The following CIAO1 variants were observed in gnomAD, a reference collection of about 807,000 sequenced individuals.
CIAO1 encodes cytosolic iron-sulfur assembly component 1, also known as probable cytosolic iron-sulfur protein assembly protein CIAO1.
In CIAO1, 32 loss-of-function variants were observed where a neutral mutation model predicts 43.1. That is an observed-to-expected ratio of 0.74 (90% CI 0.56 to 1.00). The LOEUF (loss-of-function observed/expected upper bound fraction) is 1.00, where lower values mean the gene tolerates loss of function less well. Among genes scored for constraint, CIAO1 ranks in the 50% least tolerant of loss-of-function variants. The pLI, the probability that CIAO1 is intolerant of heterozygous loss-of-function variation, is 0.00. For synonymous variants in CIAO1, 183 were observed against 171.4 expected, an observed-to-expected ratio of 1.07 and a Z score of -0.53; for missense variants, 415 against 437.4, an observed-to-expected ratio of 0.95 and a Z score of 0.46.
rs1684574534 is a variant in CIAO1 at position 96,272,609 on chromosome 2, G to A, written c.*1258G>A. The A allele has an allele frequency of 6.6e-6, 1 of 152,220 alleles. No individual in the cohort carries two copies. Among genetic ancestry groups the A allele is most frequent in the Non-Finnish European group, 1.5e-5 (1 of 68,068 alleles). 9.4% of individuals were successfully genotyped at this position (152,220 alleles called of 1,614,324 possible). On this transcript the variant is annotated 3_prime_UTR_variant, in exon 7 of 7. Coordinates refer to ENST00000488633, the MANE Select transcript of CIAO1 (RefSeq NM_004804.3). ...GCGGATCACCTGAGGTCGGGAGTTC[G>A]AGGCCAGCCTGACCAACATGGAGAA...
At chr2:96,268,717 A>T in intron 5 of CIAO1, 59 bp downstream of exon 5, 1 of 1,553,408 alleles carries the variant, frequency 6.4e-7, no homozygotes, top group South Asian at 1.1e-5. Context: ...ACAGTCTGCT[A>T]AGACACGTAC....
At position 96,267,855 on chromosome 2, in the gene CIAO1, T is replaced by C. The variant is rs200095914; in HGVS notation, c.420T>C (p.Tyr140=). The C allele has an allele frequency of 1.5e-4, 242 of 1,614,142 alleles. 2 individuals carry two copies. The highest frequency in any genetic ancestry group is 1.4e-3 in the South Asian group (124 of 91,086). ...CCACAGTTGATGAAGAGGATGAGTATGAATGTGTCAGTGTTCTCAACTCCC... is the reference window on the plus strand; with the variant it reads ...CCACAGTTGATGAAGAGGATGAGTACGAATGTGTCAGTGTTCTCAACTCCC... ...WVWEVDEEDE[Y]ECVSVLNSHT... is the part of the protein sequence containing the mutation. The change falls in exon 4 of 7, where the codon TAT becomes TAC. Residue 140 remains tyrosine, a synonymous_variant. Coordinates refer to ENST00000488633, the MANE Select transcript of CIAO1 (RefSeq NM_004804.3).
At chr2:96,266,523 C>T (rs759774557) in intron 1 of CIAO1, 34 bp downstream of exon 1, 9 of 1,415,982 alleles carry the variant, frequency 6.4e-6, no homozygotes, top group Middle Eastern at 1.9e-4. Context: ...GCCCTCAGCG[C>T]TGAGGGCTCA....
At chr2:96,270,967 A>C in intron 6 of CIAO1, 144 bp from the exon 7 acceptor site, 1 of 929,250 alleles carries the variant, frequency 1.1e-6, no homozygotes, top group Non-Finnish European at 1.6e-6. Context: ...GATATTTGTG[A>C]CTCCTTATTA....
chr2:96,266,281 G>C lies in CIAO1; in HGVS notation c.-70G>C. 3.1e-6 allele frequency: 4 copies of C among 1,295,486 alleles called. No individual in the cohort carries two copies. The highest frequency in any genetic ancestry group is 3.9e-6 in the Non-Finnish European group (4 of 1,013,654). 80.2% of individuals were successfully genotyped at this position (1,295,486 alleles called of 1,614,324 possible). A position where few individuals can be genotyped will look rare whatever the true frequency, so the allele number is the denominator to read the frequency against. On this transcript the variant is annotated 5_prime_UTR_variant, in exon 1 of 7. Coordinates refer to ENST00000488633, the MANE Select transcript of CIAO1 (RefSeq NM_004804.3). ...AGCCTGGAGTGGGCGGTACGCAGAC[G>C]CGCGCGGTGAGACCCGCTGTCTGCT... is the stretch of plus-strand genomic sequence containing the variant.
At chr2:96,270,242 C>T (rs1442125894) in intron 6 of CIAO1, among the ~76,000 whole-genome samples, 1 of 152,176 alleles carries the variant, frequency 6.6e-6, no homozygotes, top group Non-Finnish European at 1.5e-5. Context: ...CGCTGTGGCT[C>T]ACGCCTGTAA....
At chr2:96,270,222 T>C (rs1684519778) in intron 6 of CIAO1, among the ~76,000 whole-genome samples, 1 of 152,090 alleles carries the variant, frequency 6.6e-6, no homozygotes, top group African/African-American at 2.4e-5. Flanking sequence ...TACTTTATGA[T>C]GGGGCCAGGC....
At position 96,271,185 on chromosome 2, in the gene CIAO1, C is replaced by T; in HGVS notation, c.854C>T (p.Ser285Leu). The T allele has an allele frequency of 1.9e-6, 3 of 1,614,254 alleles. No individual in the cohort carries two copies. The highest frequency in any genetic ancestry group is 2.5e-6 in the Non-Finnish European group (3 of 1,180,042). ...CGCGTGTTTCAGGAGGATCCCAACT[C>T]GGATCCACAGCAGCCCACCTTCTCC... is the stretch of plus-strand genomic sequence containing the variant. ...AIRVFQEDPN[S>L]DPQQPTFSLT... The change falls in exon 7 of 7, where the codon TCG (serine) becomes TTG (leucine). Residue 285 changes from serine to leucine, a missense_variant. By Grantham distance (145) the Ser-to-Leu change is moderately radical. Coordinates refer to ENST00000488633, the MANE Select transcript of CIAO1 (RefSeq NM_004804.3).
At chr2:96,266,558 G>T in intron 1 of CIAO1, 69 bp downstream of exon 1, 1 of 1,313,326 alleles carries the variant, frequency 7.6e-7, no homozygotes, top group East Asian at 2.9e-5. Flanking sequence ...CAGGCGCTCA[G>T]CCTGCAGGGG....
chr2:96,272,816 GAAA>G lies in CIAO1; in HGVS notation c.*1472_*1474del, dbSNP rs996809190. 3 of 150,606 alleles carry G rather than the reference GAAA, an allele frequency of 2.0e-5. No individual in the cohort carries two copies. The highest frequency in any genetic ancestry group is 4.9e-5 in the African/African-American group (2 of 41,028). 9.3% of individuals were successfully genotyped at this position (150,606 alleles called of 1,614,324 possible). On this transcript the variant is annotated 3_prime_UTR_variant, in exon 7 of 7. Coordinates refer to ENST00000488633, the MANE Select transcript of CIAO1 (RefSeq NM_004804.3). ...CAAGAGTGAAACCCTGTCTCAAAAAGAAAAAAAAAGTTGACCTTGAGAATTTAT... is the reference window on the plus strand; with the variant it reads ...CAAGAGTGAAACCCTGTCTCAAAAAGAAAAAAGTTGACCTTGAGAATTTAT...
chr2:96,266,584 C>CT, intron 1 of CIAO1, 95 bp downstream of exon 1: 1 of 1,237,900 alleles, frequency 8.1e-7, no homozygotes, highest in Non-Finnish European at 1.0e-6. Flanking sequence ...GAACCTGTTC[C>CT]TGGCGGAGGG....
chr2:96,267,562 C>G, intron 2 of CIAO1, 63 bp from the exon 3 acceptor site: 1 of 1,609,218 alleles, frequency 6.2e-7, no homozygotes, highest in African/African-American at 1.3e-5. Context: ...TGGGCTGTAC[C>G]CATGGGAAGG....
intron 1 of CIAO1, 77 bp downstream of exon 1, chr2:96,266,566 G>T: frequency 1.5e-6 from 2 of 1,291,726 alleles, no homozygotes; most frequent in South Asian, 2.3e-5. Flanking sequence ...CAGCCTGCAG[G>T]GGAGGCTGAA....
At chr2:96,266,580 G>T in intron 1 of CIAO1, 91 bp downstream of exon 1, 2 of 1,249,106 alleles carry the variant, frequency 1.6e-6, no homozygotes, top group Non-Finnish European at 2.0e-6. Context: ...GGCTGAACCT[G>T]TTCCTGGCGG....
In CIAO1 at chr2:96,268,454, C is replaced by G; in HGVS notation, c.490-3C>G. On this transcript the variant is annotated splice_polypyrimidine_tract_variant and splice_region_variant and intron_variant, in intron 4 of 6. Coordinates refer to ENST00000488633, the MANE Select transcript of CIAO1 (RefSeq NM_004804.3). ...GTTGGGTTTCCTTTCACTCTTCCCC[C>G]AGCTCTTAGCTTCTGCCAGCTATGA... 1.2e-6 allele frequency: 2 copies of G among 1,614,032 alleles called. No homozygotes were observed. The highest frequency in any genetic ancestry group is 1.7e-6 in the Non-Finnish European group (2 of 1,179,900).
At chr2:96,269,196 G>A (rs1684495542) in intron 5 of CIAO1, 72 bp from the exon 6 acceptor site, 9 of 1,298,344 alleles carry the variant, frequency 6.9e-6, no homozygotes. Flanking sequence ...GGTGAGGGAA[G>A]GTAAGTTAGG....
chr2:96,267,134 CAAAAAAA>C (rs1183454827), intron 1 of CIAO1, among the ~76,000 whole-genome samples, 180 bp from the exon 2 acceptor site: 8 of 36,804 alleles, frequency 2.2e-4, no homozygotes, highest in Admixed American at 3.6e-4. Flanking sequence ...AACTCCGTCT[CAAAAAAA>C]AAAAAAAAAA....
intron 6 of CIAO1, among the ~76,000 whole-genome samples, chr2:96,270,612 C>G (rs1438455817): frequency 6.6e-6 from 1 of 151,762 alleles, no homozygotes; most frequent in Non-Finnish European, 1.5e-5. Flanking sequence ...GAGTTTGAGA[C>G]CAGCCTGTCC....
intron 5 of CIAO1, 64 bp downstream of exon 5, chr2:96,268,722 A>G: frequency 1.3e-6 from 2 of 1,532,300 alleles, no homozygotes; most frequent in Non-Finnish European, 1.8e-6. Flanking sequence ...CTGCTAAGAC[A>G]CGTACATGAG....
Sources: gnomAD v4.1 joint callset for allele counts (sites outside exome capture counted in the v4.1 genomes callset) on GRCh38, gnomAD v4.1.1 for gene constraint, MANE v1.5 for transcripts, NCBI Gene and HGNC (gene_info 2026-07-23, HGNC 2026-07-21) for gene names.